USP32: variants seen among roughly 807,000 people sequenced by gnomAD.
USP32 encodes the protein ubiquitin specific peptidase 32.
A neutral mutation model predicts 204.8 loss-of-function variants in USP32; 59 were observed. The observed-to-expected ratio is 0.29, with a 90% CI of 0.23 to 0.36. The LOEUF (loss-of-function observed/expected upper bound fraction) is 0.36. Among genes scored for constraint, USP32 ranks in the 10% least tolerant of loss-of-function variants. USP32 has a pLI of 1.00. For synonymous variants in USP32, 517 were observed against 678.4 expected (o/e 0.76, Z 3.70); for missense variants, 1,160 against 1,946.4 (o/e 0.60, Z 7.60).
At chr17:60,180,704 G>C in intron 32 of USP32, 67 bp from the exon 33 acceptor site, 1 of 1,462,130 alleles carries the variant, frequency 6.8e-7, no homozygotes, top group Non-Finnish European at 9.6e-7. Flanking sequence ...TATAGCACTA[G>C]GATCTGAGCA....
intron 28 of USP32, among the ~76,000 whole-genome samples, chr17:60,191,123 C>T (rs150213029): frequency 9.0e-4 from 137 of 152,094 alleles, no homozygotes; most frequent in African/African-American, 2.8e-3. Context: ...TTACAGGGGC[C>T]GGGCATGGTG....
intron 12 of USP32, among the ~76,000 whole-genome samples, chr17:60,232,168 CTTTTTTTTTTT>C (rs58707657): frequency 9.1e-6 from 1 of 109,536 alleles, no homozygotes; most frequent in Admixed American, 9.3e-5. Context: ...TTTTCTTTTT[CTTTTTTTTTTT>C]TTTTTTTTTT....
intron 3 of USP32, among the ~76,000 whole-genome samples, chr17:60,298,900 A>T (rs994677594): frequency 3.9e-5 from 6 of 152,212 alleles, no homozygotes; most frequent in African/African-American, 1.4e-4. Flanking sequence ...AGGCAGAAGG[A>T]TCAGTTGAGG....
At chr17:60,394,901 G>A (rs547213164), upstream of USP32, among the ~76,000 whole-genome samples, 4 of 152,006 alleles carry the variant, frequency 2.6e-5, no homozygotes, top group Admixed American at 1.3e-4. Flanking sequence ...ACACCATCCC[G>A]CCCGGCTAAT....
chr17:60,207,080 C>T lies in USP32; in HGVS notation c.2978G>A (p.Cys993Tyr). The change falls in exon 25 of 34, where the codon TGT (cysteine) becomes TAT (tyrosine). Residue 993 changes from cysteine to tyrosine, a missense_variant. Physicochemically the swap from Cys to Tyr is radical, Grantham distance 194. Coordinates refer to ENST00000300896, the MANE Select transcript of USP32 (RefSeq NM_032582.4). ...KVRLSVSGFLCAFEIPVPVSP... is the reference protein window; with the variant it reads ...KVRLSVSGFLYAFEIPVPVSP... ...CACAGGGACAGGAATTTCAAATGCACACAAAAATCCACTCACTGAGAGTCG... is the reference window on the plus strand; with the variant it reads ...CACAGGGACAGGAATTTCAAATGCATACAAAAATCCACTCACTGAGAGTCG... 6.2e-7 allele frequency: 1 copy of T among 1,613,166 alleles called. No individual in the cohort carries two copies. The highest frequency in any genetic ancestry group is 8.5e-7 in the Non-Finnish European group (1 of 1,179,440).
intron 1 of USP32, among the ~76,000 whole-genome samples, chr17:60,413,217 G>T (rs1030325125): frequency 6.6e-6 from 1 of 152,218 alleles, no homozygotes; most frequent in East Asian, 1.9e-4. Flanking sequence ...TATCCTGCCA[G>T]TGGGGGAGGG....
At chr17:60,395,542 A>G (rs556282663), upstream of USP32, among the ~76,000 whole-genome samples, 6 of 152,258 alleles carry the variant, frequency 3.9e-5, no homozygotes, top group South Asian at 1.2e-3. Context: ...CTAATAACGT[A>G]GAAAGTCTGA....
At chr17:60,368,869 C>A (rs1001739274) in intron 1 of USP32, among the ~76,000 whole-genome samples, 1 of 151,714 alleles carries the variant, frequency 6.6e-6, no homozygotes, top group African/African-American at 2.4e-5. Context: ...TCATATAATG[C>A]AATCCAAGTT....
At chr17:60,248,150 T>G (rs887646863) in intron 11 of USP32, among the ~76,000 whole-genome samples, 1 of 151,110 alleles carries the variant, frequency 6.6e-6, no homozygotes, top group Non-Finnish European at 1.5e-5. Flanking sequence ...AATTCTGGAT[T>G]GACAGTTTTT....
At chr17:60,376,009 T>C (rs1370289469) in intron 1 of USP32, among the ~76,000 whole-genome samples, 1 of 152,188 alleles carries the variant, frequency 6.6e-6, no homozygotes, top group Non-Finnish European at 1.5e-5. Context: ...GCATTTTCAC[T>C]GTCACTCAAT....
chr17:60,407,314 T>G (rs1426964810), intron 1 of USP32, among the ~76,000 whole-genome samples: 1 of 152,158 alleles, frequency 6.6e-6, no homozygotes, highest in African/African-American at 2.4e-5. Context: ...TCCAGGAGAC[T>G]GAGCAAAGAA....
At chr17:60,271,984 T>A (rs2086734800) in intron 5 of USP32, among the ~76,000 whole-genome samples, 1 of 152,084 alleles carries the variant, frequency 6.6e-6, no homozygotes, top group African/African-American at 2.4e-5. Context: ...GCTAATTTTT[T>A]AAAAACTTTT....
intron 11 of USP32, among the ~76,000 whole-genome samples, chr17:60,250,967 G>T (rs1377465357): frequency 1.3e-5 from 2 of 148,204 alleles, no homozygotes; most frequent in African/African-American, 5.0e-5. Flanking sequence ...TTTTTTGAGA[G>T]AGTCTCACAT....
intron 1 of USP32, among the ~76,000 whole-genome samples, chr17:60,363,411 C>T (rs1262162763): frequency 4.1e-5 from 6 of 145,824 alleles, no homozygotes; most frequent in Admixed American, 2.8e-4. Flanking sequence ...ACCAAGATTG[C>T]GCCACTGCAC....
At chr17:60,308,629 G>A (rs556347026) in intron 2 of USP32, among the ~76,000 whole-genome samples, 23 of 152,226 alleles carry the variant, frequency 1.5e-4, no homozygotes, top group Admixed American at 9.2e-4. Flanking sequence ...ATAACTATAC[G>A]CAGAAAAATA....
intron 11 of USP32, among the ~76,000 whole-genome samples, chr17:60,242,984 CAAT>C (rs1167121940): frequency 6.6e-6 from 1 of 152,174 alleles, no homozygotes. Flanking sequence ...ATATTGACAA[CAAT>C]AAGTTTTCAA....
intron 1 of USP32, among the ~76,000 whole-genome samples, chr17:60,419,844 TA>T (rs1400922885): frequency 1.4e-5 from 2 of 144,426 alleles, no homozygotes; most frequent in East Asian, 3.9e-4. Flanking sequence ...TTATTATTAT[TA>T]TTATTATTAT....
At chr17:60,370,208 GA>G (rs1159763358) in intron 1 of USP32, among the ~76,000 whole-genome samples, 1 of 151,770 alleles carries the variant, frequency 6.6e-6, no homozygotes. Context: ...AAAATAAAAA[GA>G]ATTTTTTTAA....
At chr17:60,325,066 A>G (rs1226700397) in intron 2 of USP32, among the ~76,000 whole-genome samples, 3 of 152,198 alleles carry the variant, frequency 2.0e-5, no homozygotes, top group Non-Finnish European at 4.4e-5. Flanking sequence ...ATGAAAACTA[A>G]GCATAGGAAA....
Sources: allele counts gnomAD v4.1 joint callset (sites outside exome capture counted in the v4.1 genomes callset), GRCh38; gene constraint gnomAD v4.1.1; transcripts MANE v1.5; gene names NCBI Gene and HGNC (gene_info 2026-07-23, HGNC 2026-07-21).